Variants in IGSF10 observed in about 807,000 individuals in gnomAD.
The protein encoded by IGSF10 is calvaria mechanical force protein 608.
IGSF10 carries 126 observed loss-of-function variants against 128.2 expected under a neutral mutation model. The ratio of observed to expected loss-of-function variants is 0.98; its 90% confidence interval spans 0.85 to 1.14. The LOEUF is 1.14. Ranked by LOEUF, IGSF10 falls within the 50% of genes most tolerant of loss-of-function variation. The pLI is 0.00. For missense variants in IGSF10, 3,295 were observed against 3,149.8 expected, an observed-to-expected ratio of 1.05 and a Z score of -1.10; for synonymous variants, 1,185 against 1,146.2, an observed-to-expected ratio of 1.03 and a Z score of -0.68.
At chr3:151,599,902 G>A in the IGSF10 span, among the ~76,000 whole-genome samples, 1 of 152,156 alleles carries the variant, frequency 6.6e-6, no homozygotes, top group Non-Finnish European at 1.5e-5. Flanking sequence ...GGGAAAGTTG[G>A]AAACAGATCA....
chr3:151,457,267 C>CT (rs1560182978), intron 3 of IGSF10, 112 bp from the exon 4 acceptor site: 1 of 966,400 alleles, frequency 1.0e-6, no homozygotes, highest in Non-Finnish European at 1.5e-6. Context: ...TAACTGTACT[C>CT]TATTGAGACA....
At chr3:151,540,928 T>C in the IGSF10 span, among the ~76,000 whole-genome samples, 1 of 152,212 alleles carries the variant, frequency 6.6e-6, no homozygotes, top group Non-Finnish European at 1.5e-5. Context: ...CCTCAGTTTT[T>C]CACTGTTGAA....
chr3:151,519,112 G>A, the IGSF10 span, among the ~76,000 whole-genome samples: 1 of 151,910 alleles, frequency 6.6e-6, no homozygotes, highest in South Asian at 2.1e-4. Flanking sequence ...GTATTAGTTA[G>A]CTATTGCTAC....
At chr3:151,434,982 C>A (rs1371001085), downstream of IGSF10, 1 of 149,364 alleles carries the variant, frequency 6.7e-6, no homozygotes, top group Non-Finnish European at 1.5e-5. Flanking sequence ...TGTTTTACCC[C>A]TGCGCATTAT....
At chr3:151,450,390 T>C (rs1459931366) in intron 5 of IGSF10, among the ~76,000 whole-genome samples, 1 of 152,136 alleles carries the variant, frequency 6.6e-6, no homozygotes, top group African/African-American at 2.4e-5. Context: ...AGTGGCTAGA[T>C]AGGGTCAAAT....
In IGSF10 at chr3:151,449,248, T is replaced by A; in HGVS notation, c.733A>T (p.Lys245Ter). ...TGAGCACTAGAGGGACTTCTATCTT[T>A]TTTGCATTTTATTACATCTGGAAAA... ...QEKPDVIKCK[K>*]DRSPSSAQQC... Residue 245 changes from lysine to a stop codon, truncating the protein, a stop_gained, in exon 6 of 8, where the codon AAA becomes TAA. Coordinates refer to ENST00000282466, the MANE Select transcript of IGSF10 (RefSeq NM_178822.5). LOFTEE classifies it high-confidence loss of function. The A allele has an allele frequency of 6.3e-7, 1 of 1,575,358 alleles. No individual in the cohort carries two copies. The highest frequency in any genetic ancestry group is 8.6e-7 in the Non-Finnish European group (1 of 1,162,310).
At chr3:151,489,266 C>A in the IGSF10 span, among the ~76,000 whole-genome samples, 1 of 152,084 alleles carries the variant, frequency 6.6e-6, no homozygotes, top group Admixed American at 6.5e-5. Context: ...AAATCAAAAC[C>A]ACAATGAGAT....
the IGSF10 span, among the ~76,000 whole-genome samples, chr3:151,496,329 C>T: frequency 6.6e-6 from 1 of 150,394 alleles, no homozygotes; most frequent in Non-Finnish European, 1.5e-5. Context: ...GGTTTATCTC[C>T]TAATGCTATC....
At chr3:151,542,596 C>T in the IGSF10 span, among the ~76,000 whole-genome samples, 1 of 152,100 alleles carries the variant, frequency 6.6e-6, no homozygotes, top group African/African-American at 2.4e-5. Context: ...TGTTTTTCCA[C>T]TAACAGTATA....
the IGSF10 span, among the ~76,000 whole-genome samples, chr3:151,614,705 C>T: frequency 5.3e-5 from 8 of 151,736 alleles, no homozygotes; most frequent in South Asian, 2.1e-4. Flanking sequence ...TAGCATTAGG[C>T]GACATACCTA....
chr3:151,497,806 T>C, the IGSF10 span, among the ~76,000 whole-genome samples: 3 of 152,180 alleles, frequency 2.0e-5, no homozygotes, highest in African/African-American at 4.8e-5. Flanking sequence ...TTCCTATCCA[T>C]GAGCATGGAA....
At chr3:151,477,646 C>T in the IGSF10 span, among the ~76,000 whole-genome samples, 9 of 152,116 alleles carry the variant, frequency 5.9e-5, no homozygotes, top group Admixed American at 2.0e-4. Context: ...CAAAAATCAC[C>T]GACCATCATA....
In IGSF10 at chr3:151,441,028, A is replaced by G. The variant is rs568975132; in HGVS notation, c.5963+1956T>C. On this transcript the variant is annotated intron_variant, in intron 7 of 7. Coordinates refer to ENST00000282466, the MANE Select transcript of IGSF10 (RefSeq NM_178822.5). The stretch of plus-strand genomic sequence containing the variant: ...TGAACACAAGTGTCAAATTTTAGCA[A>G]CAAAATCACCTGGAGGGCTTTTAAG... 5.9e-5 allele frequency among the ~76,000 whole-genome samples: 9 copies of G among 152,362 alleles called. No individual in the cohort carries two copies. The South Asian group carries it at 1.9e-3, about 32-fold the overall frequency.
chr3:151,462,529 C>T (rs780647518), upstream of IGSF10, among the ~76,000 whole-genome samples: 1 of 151,866 alleles, frequency 6.6e-6, no homozygotes, highest in Admixed American at 6.5e-5. Context: ...TTATGTTATT[C>T]CCATTTTACA....
At chr3:151,576,922 C>A in the IGSF10 span, among the ~76,000 whole-genome samples, 1 of 147,644 alleles carries the variant, frequency 6.8e-6, no homozygotes. Flanking sequence ...GCCCTTGGGG[C>A]TGCTCTACCT....
the IGSF10 span, among the ~76,000 whole-genome samples, chr3:151,527,717 A>G: frequency 6.6e-6 from 1 of 152,158 alleles, no homozygotes; most frequent in African/African-American, 2.4e-5. Flanking sequence ...TGGAAGGCTG[A>G]GGTGAAAGGA....
At chr3:151,507,860 T>C in the IGSF10 span, among the ~76,000 whole-genome samples, 45,323 of 151,994 alleles carry the variant, frequency 0.3, 7,493 homozygotes, top group Middle Eastern at 0.42. Context: ...TCTATATACC[T>C]GGAAAGTATT....
At chr3:151,434,384 C>T (rs1295868686), downstream of IGSF10, 1 of 152,208 alleles carries the variant, frequency 6.6e-6, no homozygotes, top group Non-Finnish European at 1.5e-5. Context: ...TGGCAACATC[C>T]ATGTGAACTG....
the IGSF10 span, among the ~76,000 whole-genome samples, chr3:151,471,943 T>G: frequency 2.6e-5 from 4 of 152,206 alleles, no homozygotes; most frequent in African/African-American, 7.2e-5. Flanking sequence ...ACAAAATTGG[T>G]ATCTAAAAGG....
Sources: allele counts gnomAD v4.1 joint callset (sites outside exome capture counted in the v4.1 genomes callset), GRCh38; gene constraint gnomAD v4.1.1; transcripts MANE v1.5; gene names NCBI Gene and HGNC (gene_info 2026-07-23, HGNC 2026-07-21).